Variants in CHLSN observed in about 807,000 individuals in gnomAD.
CHLSN encodes the protein protein cholesin.
chr7:987,550 T>C, the CHLSN span: 1 of 1,502,946 alleles, frequency 6.7e-7, no homozygotes, highest in Non-Finnish European at 8.9e-7. Context: ...GGGCCTCCCT[T>C]GCCCCTTCCA....
chr7:1,130,632 G>A, the CHLSN span, among the ~76,000 whole-genome samples: 1 of 151,772 alleles, frequency 6.6e-6, no homozygotes, highest in Non-Finnish European at 1.5e-5. Context: ...AGTCTCCTCT[G>A]CCGCCCCCAC....
At chr7:983,277 C>T in the CHLSN span, 21 of 1,544,248 alleles carry the variant, frequency 1.4e-5, no homozygotes, top group Admixed American at 2.0e-5. Flanking sequence ...GCGCCTGCGC[C>T]CAAGACCCCT....
At chr7:1,060,957 C>G in the CHLSN span, among the ~76,000 whole-genome samples, 44 of 152,268 alleles carry the variant, frequency 2.9e-4, no homozygotes, top group African/African-American at 9.9e-4. Flanking sequence ...TGCAGCCCAG[C>G]TCTGCAGGGT....
the CHLSN span, chr7:988,853 C>G: frequency 1.5e-6 from 2 of 1,365,744 alleles, no homozygotes; most frequent in Non-Finnish European, 2.0e-6. Flanking sequence ...TCCTCCTGAC[C>G]ACTCCCCTCC....
the CHLSN span, among the ~76,000 whole-genome samples, chr7:1,072,472 T>C: frequency 1.3e-5 from 2 of 152,226 alleles, no homozygotes; most frequent in South Asian, 4.1e-4. Flanking sequence ...CTGTGCGTTC[T>C]GCTTCTGCGC....
the CHLSN span, among the ~76,000 whole-genome samples, chr7:981,594 A>G: frequency 1.3e-5 from 2 of 152,154 alleles, no homozygotes; most frequent in Non-Finnish European, 2.9e-5. Flanking sequence ...TGTGCCTGTA[A>G]TCCCAGCTAC....
the CHLSN span, among the ~76,000 whole-genome samples, chr7:990,863 G>C: frequency 6.6e-6 from 1 of 152,146 alleles, no homozygotes; most frequent in Admixed American, 6.5e-5. Flanking sequence ...TGGAGCTCTG[G>C]AGGGTGCGGA....
the CHLSN span, chr7:988,272 C>G: frequency 7.6e-6 from 12 of 1,575,604 alleles, no homozygotes; most frequent in Non-Finnish European, 1.0e-5. Flanking sequence ...CGGCTGCCCC[C>G]ACAGGGCACG....
At chr7:1,022,365 C>T in the CHLSN span, among the ~76,000 whole-genome samples, 1 of 152,238 alleles carries the variant, frequency 6.6e-6, no homozygotes, top group Non-Finnish European at 1.5e-5. Flanking sequence ...CATGGGGCAC[C>T]CGTACGGATT....
At chr7:1,041,201 G>T in the CHLSN span, among the ~76,000 whole-genome samples, 3 of 152,234 alleles carry the variant, frequency 2.0e-5, no homozygotes, top group African/African-American at 7.2e-5. Flanking sequence ...CTTGGGCTCC[G>T]CACTGCAGGG....
At chr7:1,103,892 G>A in the CHLSN span, among the ~76,000 whole-genome samples, 2 of 151,616 alleles carry the variant, frequency 1.3e-5, no homozygotes, top group African/African-American at 4.9e-5. Context: ...AGCACCCGGT[G>A]GGGCAGGGGA....
At chr7:1,009,723 C>T in the CHLSN span, among the ~76,000 whole-genome samples, 1 of 152,236 alleles carries the variant, frequency 6.6e-6, no homozygotes, top group Admixed American at 6.5e-5. Context: ...CAGTTCCAGG[C>T]AACCCCTGCA....
the CHLSN span, among the ~76,000 whole-genome samples, chr7:1,082,838 G>A: frequency 6.6e-6 from 1 of 152,230 alleles, no homozygotes; most frequent in Admixed American, 6.5e-5. Flanking sequence ...GAAGCACCGG[G>A]GAGTGTGGTG....
At chr7:1,030,058 G>T in the CHLSN span, among the ~76,000 whole-genome samples, 2 of 152,154 alleles carry the variant, frequency 1.3e-5, no homozygotes, top group Non-Finnish European at 2.9e-5. Context: ...CTCAGTCACC[G>T]GTTTCATGGG....
the CHLSN span, among the ~76,000 whole-genome samples, chr7:1,010,786 G>A: frequency 3.3e-4 from 51 of 152,276 alleles, no homozygotes; most frequent in South Asian, 9.9e-3. Flanking sequence ...GGTGCAAAGC[G>A]TCAAAGCCGG....
chr7:1,022,576 C>T, the CHLSN span, among the ~76,000 whole-genome samples: 25 of 152,336 alleles, frequency 1.6e-4, no homozygotes, highest in South Asian at 1.0e-3. Context: ...CCTCCTCCCA[C>T]GGCAACCCTC....
the CHLSN span, among the ~76,000 whole-genome samples, chr7:1,113,871 C>T: frequency 4.6e-5 from 7 of 152,188 alleles, no homozygotes; most frequent in South Asian, 4.1e-4. Flanking sequence ...CCGGCCTGGA[C>T]GGCAGGAGGC....
the CHLSN span, among the ~76,000 whole-genome samples, chr7:1,066,470 T>G: frequency 6.6e-6 from 1 of 152,220 alleles, no homozygotes; most frequent in Non-Finnish European, 1.5e-5. Context: ...CAACAGCCTT[T>G]CCCTTCCCTA....
At chr7:1,085,127 A>G in the CHLSN span, among the ~76,000 whole-genome samples, 1 of 152,258 alleles carries the variant, frequency 6.6e-6, no homozygotes. Context: ...CTGGAGACAC[A>G]CTGCCTTACT....
Sources: gnomAD v4.1 joint callset for allele counts (sites outside exome capture counted in the v4.1 genomes callset) on GRCh38, gnomAD v4.1.1 for gene constraint, MANE v1.5 for transcripts, NCBI Gene and HGNC (gene_info 2026-07-23, HGNC 2026-07-21) for gene names.